RUNX1: variants seen among roughly 807,000 people sequenced by gnomAD.
RUNX1 encodes the protein RUNX family transcription factor 1.
A neutral mutation model predicts 42.8 loss-of-function variants in RUNX1; 19 were observed. The ratio of observed to expected loss-of-function variants is 0.44; its 90% confidence interval spans 0.31 to 0.65. The LOEUF (loss-of-function observed/expected upper bound fraction) is 0.65. Among genes scored for constraint, RUNX1 ranks in the 30% least tolerant of loss-of-function variants. The pLI, the probability that RUNX1 is intolerant of heterozygous loss-of-function variation, is 0.07. For synonymous variants in RUNX1, 271 were observed against 289.4 expected, an observed-to-expected ratio of 0.94 and a Z score of 0.64; for missense variants, 528 against 672.0, an observed-to-expected ratio of 0.79 and a Z score of 2.37.
At chr21:35,016,975 G>T (rs1342566330) in intron 2 of RUNX1, among the ~76,000 whole-genome samples, 1 of 151,474 alleles carries the variant, frequency 6.6e-6, no homozygotes, top group African/African-American at 2.4e-5. Context: ...CAGAGTAAGG[G>T]CCCAAAGAGC....
At chr21:34,824,293 C>G (rs2056956077) in intron 7 of RUNX1, among the ~76,000 whole-genome samples, 2 of 152,176 alleles carry the variant, frequency 1.3e-5, no homozygotes, top group Admixed American at 6.5e-5. Context: ...CTTCCCCTAT[C>G]AATTCTCAGG....
intron 4 of RUNX1, among the ~76,000 whole-genome samples, chr21:34,885,013 T>G (rs2057960016): frequency 6.6e-6 from 1 of 152,346 alleles, no homozygotes. Context: ...TAATTTTTCA[T>G]TTTTTAGAAG....
intron 2 of RUNX1, among the ~76,000 whole-genome samples, chr21:35,019,639 C>T (rs1283953589): frequency 6.6e-6 from 1 of 152,114 alleles, no homozygotes; most frequent in Non-Finnish European, 1.5e-5. Context: ...AGCCTCTGCA[C>T]CTCACACAGG....
At chr21:34,971,732 G>T (rs973127423) in intron 2 of RUNX1, among the ~76,000 whole-genome samples, 3 of 152,178 alleles carry the variant, frequency 2.0e-5, no homozygotes, top group African/African-American at 7.2e-5. Flanking sequence ...CAAGAGATAG[G>T]GAGGTAAACT....
chr21:35,025,826 GA>G (rs2146958076), intron 2 of RUNX1, among the ~76,000 whole-genome samples: 1 of 152,184 alleles, frequency 6.6e-6, no homozygotes, highest in African/African-American at 2.4e-5. Flanking sequence ...TCTAGGGGAG[GA>G]AAAGGGAAAC....
intron 5 of RUNX1, among the ~76,000 whole-genome samples, chr21:34,879,551 T>C (rs1450588824): frequency 1.3e-5 from 2 of 152,182 alleles, no homozygotes; most frequent in Admixed American, 6.5e-5. Flanking sequence ...AAATGTTGTT[T>C]GATTGGTGCT....
chr21:34,893,027 T>A (rs2098967781), intron 2 of RUNX1, 64 bp from the exon 3 acceptor site: 7 of 360,964 alleles, frequency 1.9e-5, no homozygotes, highest in African/African-American at 6.7e-5. Flanking sequence ...TTCCCCCGAC[T>A]TTTTTTTTTT....
intron 2 of RUNX1, among the ~76,000 whole-genome samples, chr21:34,952,943 G>T (rs758196733): frequency 6.6e-6 from 1 of 152,134 alleles, no homozygotes; most frequent in Admixed American, 6.5e-5. Context: ...GCATCTAATC[G>T]CAAGGCTTGC....
intron 5 of RUNX1, among the ~76,000 whole-genome samples, chr21:34,864,820 A>T (rs1443131259): frequency 6.6e-6 from 1 of 152,242 alleles, no homozygotes; most frequent in African/African-American, 2.4e-5. Context: ...TAAGAAGGTG[A>T]GAACAAAAAA....
At chr21:35,005,393 G>A (rs2059076720) in intron 2 of RUNX1, among the ~76,000 whole-genome samples, 2 of 152,146 alleles carry the variant, frequency 1.3e-5, no homozygotes, top group African/African-American at 4.8e-5. Flanking sequence ...CCACACTTGA[G>A]TCAAATTGGA....
At chr21:34,798,378 G>A (rs1000703263) in intron 8 of RUNX1, among the ~76,000 whole-genome samples, 16 of 152,212 alleles carry the variant, frequency 1.1e-4, no homozygotes, top group African/African-American at 3.6e-4. Flanking sequence ...CCCTGCCCAC[G>A]AGCAAAGGTG....
At chr21:35,026,950 G>T (rs1286840837) in intron 2 of RUNX1, among the ~76,000 whole-genome samples, 1 of 152,240 alleles carries the variant, frequency 6.6e-6, no homozygotes, top group Non-Finnish European at 1.5e-5. Context: ...TTTAACTGCC[G>T]GTTTATTTTT....
chr21:35,034,513 C>G (rs2059293446), intron 2 of RUNX1, among the ~76,000 whole-genome samples: 1 of 152,206 alleles, frequency 6.6e-6, no homozygotes, highest in South Asian at 2.1e-4. Context: ...TTCCTAAGGT[C>G]TTTCTGGAGC....
chr21:34,937,227 A>G (rs925727716), intron 2 of RUNX1, among the ~76,000 whole-genome samples: 30 of 151,042 alleles, frequency 2.0e-4, no homozygotes, highest in Non-Finnish European at 4.4e-5. Context: ...TTTTCTTAAT[A>G]CTCAATTATT....
chr21:34,880,585 G>A lies in RUNX1; in HGVS notation c.480C>T (p.Asp160=). 6.2e-7 allele frequency: 1 copy of A among 1,614,090 alleles called. No individual in the cohort carries two copies. Among genetic ancestry groups the A allele is most frequent in the Admixed American group, 1.7e-5 (1 of 60,018 alleles). ...TTCCACTTCGACCGACAAACCTGAGGTCATTAAATCTTGCAACCTGGTTCT... is the reference window on the plus strand; with the variant it reads ...TTCCACTTCGACCGACAAACCTGAGATCATTAAATCTTGCAACCTGGTTCT... ...AMKNQVARFN[D]LRFVGRSGRG... is the part of the protein sequence containing the mutation. The change falls in exon 5 of 9, where the codon GAC becomes GAT. Residue 160 remains aspartate (D), a synonymous_variant. Coordinates refer to ENST00000675419, the MANE Select transcript of RUNX1 (RefSeq NM_001754.5).
Position 34,792,673 on chromosome 21 carries a change from C to T in RUNX1, c.968-63G>A. 3 of 1,452,122 alleles carry T rather than the reference C, an allele frequency of 2.1e-6. No homozygotes were observed. Among genetic ancestry groups the T allele is most frequent in the East Asian group, 2.5e-5 (1 of 40,312 alleles). 90.0% of individuals were successfully genotyped at this position (1,452,122 alleles called of 1,614,324 possible). ...GGAGGTTGCGGAGGCCACAGCTCTT[C>T]CCTCTGCCCCAGGGGGCTACCCAGG... is the stretch of plus-strand genomic sequence containing the variant. On this transcript the variant is annotated intron_variant, in intron 8 of 8. Transcript: ENST00000675419. The surrounding 1 kb of genome is among the most constrained non-coding windows in gnomAD (Gnocchi z 6.9).
intron 3 of RUNX1, among the ~76,000 whole-genome samples, chr21:34,892,169 T>C (rs977293545): frequency 2.0e-5 from 3 of 152,268 alleles, no homozygotes; most frequent in Non-Finnish European, 4.4e-5. Context: ...AGAATGTATC[T>C]TGCTATGGTT....
intron 4 of RUNX1, among the ~76,000 whole-genome samples, chr21:34,884,695 T>C (rs1293691597): frequency 6.6e-6 from 1 of 152,206 alleles, no homozygotes; most frequent in East Asian, 1.9e-4. Context: ...ACTCTTCTAG[T>C]TATGCAGTGA....
intron 2 of RUNX1, among the ~76,000 whole-genome samples, chr21:35,023,808 T>A (rs931174447): frequency 2.0e-5 from 3 of 152,056 alleles, no homozygotes; most frequent in African/African-American, 7.2e-5. Flanking sequence ...TGGGTGGAAG[T>A]GAGAATAAGG....
Sources: gnomAD v4.1 joint callset for allele counts (sites outside exome capture counted in the v4.1 genomes callset) on GRCh38, gnomAD v4.1.1 for gene constraint, Gnocchi (gnomAD v3.1) non-coding constraint, MANE v1.5 for transcripts, NCBI Gene and HGNC (gene_info 2026-07-23, HGNC 2026-07-21) for gene names.